SLC35F1: variants seen among roughly 807,000 people sequenced by gnomAD.
SLC35F1 encodes the protein chromosome 6 open reading frame 169.
In SLC35F1, 14 loss-of-function variants were observed where a neutral mutation model predicts 48.7. The observed-to-expected ratio is 0.29, with a 90% CI of 0.19 to 0.45. The LOEUF is 0.45. Among genes scored for constraint, SLC35F1 ranks in the 20% least tolerant of loss-of-function variants. The probability of loss-of-function intolerance (pLI) is 1.00; values close to 1 mark genes in which losing one functional copy is unlikely to be tolerated. For missense variants in SLC35F1, 404 were observed against 500.0 expected, an observed-to-expected ratio of 0.81 and a Z score of 1.83; for synonymous variants, 190 against 202.2, an observed-to-expected ratio of 0.94 and a Z score of 0.51.
chr6:118,065,638 T>C (rs1395735089), intron 1 of SLC35F1, among the ~76,000 whole-genome samples: 1 of 152,174 alleles, frequency 6.6e-6, no homozygotes, highest in Non-Finnish European at 1.5e-5. Flanking sequence ...AAAGAAAAGA[T>C]TGGACTAGTT....
intron 1 of SLC35F1, among the ~76,000 whole-genome samples, chr6:118,090,593 A>G (rs1373550923): frequency 1.3e-5 from 2 of 152,152 alleles, no homozygotes; most frequent in African/African-American, 4.8e-5. Context: ...TGGGCTTGCC[A>G]TAGTTGAAGA....
intron 2 of SLC35F1, among the ~76,000 whole-genome samples, chr6:118,181,724 A>G (rs1408618991): frequency 1.3e-5 from 2 of 152,144 alleles, no homozygotes; most frequent in African/African-American, 4.8e-5. Context: ...TGGAAATACC[A>G]AAAAAAGATT....
At chr6:118,083,686 TG>T (rs1250479094) in intron 1 of SLC35F1, among the ~76,000 whole-genome samples, 1 of 152,204 alleles carries the variant, frequency 6.6e-6, no homozygotes, top group Non-Finnish European at 1.5e-5. Flanking sequence ...GAATGTTTTG[TG>T]GTGGATCGTG....
intron 2 of SLC35F1, among the ~76,000 whole-genome samples, chr6:118,218,489 G>C (rs760903958): frequency 1.3e-5 from 2 of 152,130 alleles, no homozygotes; most frequent in Non-Finnish European, 2.9e-5. Flanking sequence ...GAAGTAAAAA[G>C]GGCTGATGGG....
chr6:117,974,263 G>C (rs1029360974), intron 1 of SLC35F1, among the ~76,000 whole-genome samples: 13 of 152,136 alleles, frequency 8.5e-5, no homozygotes, highest in Non-Finnish European at 1.9e-4. Context: ...TTTAGGAGCA[G>C]GGCATATATG....
At chr6:117,979,193 AC>A (rs1249799302) in intron 1 of SLC35F1, among the ~76,000 whole-genome samples, 1 of 152,178 alleles carries the variant, frequency 6.6e-6, no homozygotes, top group African/African-American at 2.4e-5. Flanking sequence ...CCAAACTTAC[AC>A]CTTGCTTGGA....
intron 1 of SLC35F1, among the ~76,000 whole-genome samples, chr6:118,122,278 C>T (rs1284847434): frequency 2.0e-5 from 3 of 149,838 alleles, no homozygotes; most frequent in African/African-American, 2.4e-5. Context: ...GCAACAAAAA[C>T]GTGGACTCTA....
intron 1 of SLC35F1, among the ~76,000 whole-genome samples, chr6:117,927,126 T>C (rs1290531004): frequency 6.6e-6 from 1 of 152,200 alleles, no homozygotes; most frequent in Non-Finnish European, 1.5e-5. Flanking sequence ...ATAGGGATAC[T>C]GAAGAGGATT....
intron 2 of SLC35F1, among the ~76,000 whole-genome samples, chr6:118,188,446 AG>A (rs1774689946): frequency 6.6e-6 from 1 of 151,850 alleles, no homozygotes; most frequent in Admixed American, 6.6e-5. Flanking sequence ...GCTACTCGGG[AG>A]GCTGAGGCAG....
intron 1 of SLC35F1, among the ~76,000 whole-genome samples, chr6:118,130,910 A>G (rs1023917100): frequency 6.6e-6 from 1 of 152,206 alleles, no homozygotes; most frequent in African/African-American, 2.4e-5. Context: ...TAAATATTTT[A>G]TGTTGTCTAT....
intron 1 of SLC35F1, among the ~76,000 whole-genome samples, chr6:117,964,839 C>T (rs1776540557): frequency 6.6e-6 from 1 of 152,182 alleles, no homozygotes. Context: ...GGCTTTAATC[C>T]AGTGCTGCAG....
Position 118,314,239 on chromosome 6 carries a change from T to G in SLC35F1, c.1214T>G (p.Val405Gly), listed in dbSNP as rs1187938167. The G allele has an allele frequency of 1.2e-6, 2 of 1,614,086 alleles. No individual in the cohort carries two copies. The highest frequency in any genetic ancestry group is 2.2e-5 in the South Asian group (2 of 91,086). Residue 405 changes from valine to glycine, a missense_variant, in exon 8 of 8, where the codon GTT (valine) becomes GGT (glycine). By Grantham distance (109) the Val-to-Gly change is moderately radical. This residue lies in a region of SLC35F1 where 306 missense variants were observed against 419.1 expected (regional missense o/e 0.73). Transcript: ENST00000360388. ...CAGGAGACCGAAGAGGAGCCTCATG[T>G]TCGTGTGGCCTAGGGTGAGGCCCGC... ...LGQETEEEPH[V>G]RVA
chr6:118,288,953 T>C (rs1776084205), intron 7 of SLC35F1, among the ~76,000 whole-genome samples: 1 of 152,152 alleles, frequency 6.6e-6, no homozygotes, highest in South Asian at 2.1e-4. Flanking sequence ...ATCCAGAACA[T>C]TTCCATCAGC....
At position 118,104,017 on chromosome 6, in the gene SLC35F1, T is replaced by C. The variant is rs183915944; in HGVS notation, c.174-50428T>C. On this transcript the variant is annotated intron_variant, in intron 1 of 7. Transcript: ENST00000360388. ...TCATATTCCTTCACAAGAATAACCATGTAGCATTTTAAATAGCAAGCACAT... is the reference window on the plus strand; with the variant it reads ...TCATATTCCTTCACAAGAATAACCACGTAGCATTTTAAATAGCAAGCACAT... Among the ~76,000 whole-genome samples the C allele has an allele frequency of 7.2e-5, 11 of 152,260 alleles. No individual in the cohort carries two copies. The East Asian group carries it at 1.7e-3, about 24-fold the overall frequency.
chr6:117,907,941 G>C (rs1775714110), intron 1 of SLC35F1, 42 bp downstream of exon 1: 26 of 1,295,242 alleles, frequency 2.0e-5, no homozygotes, highest in Non-Finnish European at 2.5e-5. Context: ...GGCGGGGGCT[G>C]CGGGCGCCCG....
intron 1 of SLC35F1, among the ~76,000 whole-genome samples, chr6:117,938,181 T>G (rs1309629726): frequency 1.3e-5 from 2 of 152,192 alleles, no homozygotes; most frequent in Non-Finnish European, 2.9e-5. Flanking sequence ...GGAGATGATT[T>G]GTTGAAATCC....
At chr6:117,966,934 G>A (rs940782224) in intron 1 of SLC35F1, among the ~76,000 whole-genome samples, 1 of 152,140 alleles carries the variant, frequency 6.6e-6, no homozygotes, top group Non-Finnish European at 1.5e-5. Flanking sequence ...AGAGGGTAGG[G>A]CTGTTTCCTG....
intron 1 of SLC35F1, among the ~76,000 whole-genome samples, chr6:118,057,921 A>G (rs1582642528): frequency 6.6e-6 from 1 of 152,294 alleles, no homozygotes; most frequent in Middle Eastern, 3.4e-3. Context: ...TCAGATTAAA[A>G]GGCAGGCAGG....
chr6:118,162,240 A>T (rs956044333), intron 2 of SLC35F1, among the ~76,000 whole-genome samples: 2 of 152,234 alleles, frequency 1.3e-5, no homozygotes, highest in African/African-American at 2.4e-5. Context: ...AAAGCATTAC[A>T]CTAAGTGCAA....
Sources: allele counts gnomAD v4.1 joint callset (sites outside exome capture counted in the v4.1 genomes callset), GRCh38; gene constraint gnomAD v4.1.1; regional missense constraint gnomAD v4.1.1; transcripts MANE v1.5; gene names NCBI Gene and HGNC (gene_info 2026-07-23, HGNC 2026-07-21).